Variants in CLCN4 observed in about 807,000 individuals in gnomAD.
CLCN4 encodes the protein Cl-/H+ antiporter 4.
CLCN4 carries 1 observed loss-of-function variant against 41.7 expected under a neutral mutation model. That is an observed-to-expected ratio of 0.02 (90% CI 0.01 to 0.11). The LOEUF (loss-of-function observed/expected upper bound fraction) is 0.11. CLCN4 is among the 10% of genes least tolerant of loss of function. The probability of loss-of-function intolerance (pLI) is 1.00; values close to 1 mark genes in which losing one functional copy is unlikely to be tolerated. For synonymous variants in CLCN4, 277 were observed against 285.8 expected, an observed-to-expected ratio of 0.97 and a Z score of 0.31; for missense variants, 287 against 661.0, an observed-to-expected ratio of 0.43 and a Z score of 6.20.
At chrX:10,197,134 A>T (rs997957584) in intron 5 of CLCN4, among the ~76,000 whole-genome samples, 1 of 112,022 alleles carries the variant, frequency 8.9e-6, no homozygotes, top group Non-Finnish European at 1.9e-5. Flanking sequence ...AGGTCTAGAG[A>T]GTGTGGTCTG....
At chrX:10,189,228 A>T (rs888756729) in intron 4 of CLCN4, among the ~76,000 whole-genome samples, 1 of 112,132 alleles carries the variant, frequency 8.9e-6, no homozygotes, top group Admixed American at 9.4e-5. Context: ...AGGGTAAATG[A>T]AGAAACTCAG....
intron 3 of CLCN4, among the ~76,000 whole-genome samples, chrX:10,186,024 G>A (rs1478527360): frequency 9.0e-6 from 1 of 111,339 alleles, no homozygotes; most frequent in South Asian, 3.8e-4. Context: ...GAGGCGCCAC[G>A]GACGGGATTC....
chrX:10,199,010 G>A (rs1242146585), intron 6 of CLCN4, among the ~76,000 whole-genome samples: 2 of 112,077 alleles, frequency 1.8e-5, no homozygotes, highest in Non-Finnish European at 3.8e-5. Context: ...AAGGGCTGAA[G>A]TCATGAAAAG....
chrX:10,230,827 G>A lies in CLCN4; in HGVS notation c.2193-2667G>A, dbSNP rs768899589. On this transcript the variant is annotated intron_variant, in intron 12 of 12. Coordinates refer to ENST00000380833, the MANE Select transcript of CLCN4 (RefSeq NM_001830.4). Reference sequence around the variant, plus strand: ...TACTGTTGTATTTGTTGTAATTGATGAACCAATATCAATACATTATTATTA... The same window carrying A: ...TACTGTTGTATTTGTTGTAATTGATAAACCAATATCAATACATTATTATTA... 1.3e-4 allele frequency among the ~76,000 whole-genome samples: 14 copies of A among 111,926 alleles called. No individual in the cohort carries two copies. In the South Asian group the frequency reaches 5.2e-3, roughly 42 times the overall value.
intron 2 of CLCN4, among the ~76,000 whole-genome samples, chrX:10,182,571 G>A (rs1923710992): frequency 1.8e-5 from 2 of 112,686 alleles, no homozygotes; most frequent in African/African-American, 6.4e-5. Flanking sequence ...GACTACAGGT[G>A]CCTGCCACCA....
At chrX:10,160,511 G>A (rs1047895866) in intron 2 of CLCN4, among the ~76,000 whole-genome samples, 3 of 111,335 alleles carry the variant, frequency 2.7e-5, no homozygotes, top group African/African-American at 9.8e-5. Context: ...CCTGGAGCAC[G>A]TCCCTGGACG....
In CLCN4 at chrX:10,184,971, T is replaced by C. The variant is rs887981025; in HGVS notation, c.-11-51T>C. 16 of 1,044,658 alleles carry C rather than the reference T, an allele frequency of 1.5e-5. No individual in the cohort carries two copies. In the African/African-American group the frequency reaches 2.6e-4, roughly 17 times the overall value. The allele number at this position is 1,044,658 out of a possible 1,213,427, so 86.1% of individuals were successfully genotyped here. On this transcript the variant is annotated intron_variant, in intron 2 of 12. Coordinates refer to ENST00000380833, the MANE Select transcript of CLCN4 (RefSeq NM_001830.4). The stretch of plus-strand genomic sequence containing the variant: ...GGGCACATGGACTATTCTTCTTGCA[T>C]GGCCATGGCATGTCCTGCTCATGTC...
intron 12 of CLCN4, among the ~76,000 whole-genome samples, chrX:10,222,716 T>TA (rs1924889761): frequency 8.9e-6 from 1 of 111,770 alleles, no homozygotes; most frequent in East Asian, 2.8e-4. Context: ...GATGTGCCTG[T>TA]ATAGCCAAAT....
intron 2 of CLCN4, among the ~76,000 whole-genome samples, chrX:10,178,192 G>A (rs1297395542): frequency 9.0e-6 from 1 of 111,242 alleles, no homozygotes; most frequent in Admixed American, 9.6e-5. Context: ...GGGTGAAAAT[G>A]TTCTGGAATT....
chrX:10,230,164 T>C (rs757875141), intron 12 of CLCN4, among the ~76,000 whole-genome samples: 1 of 112,186 alleles, frequency 8.9e-6, no homozygotes, highest in Admixed American at 9.4e-5. Context: ...ATTAATCCCT[T>C]GTCAGATGGG....
intron 5 of CLCN4, among the ~76,000 whole-genome samples, 159 bp from the exon 6 acceptor site, chrX:10,197,780 A>T (rs1184386409): frequency 1.8e-5 from 2 of 111,805 alleles, no homozygotes; most frequent in African/African-American, 6.5e-5. Flanking sequence ...GCAACAGCTG[A>T]TAAACCTACG....
intron 6 of CLCN4, among the ~76,000 whole-genome samples, chrX:10,203,604 T>C (rs749687811): frequency 1.8e-5 from 2 of 111,654 alleles, no homozygotes; most frequent in Admixed American, 1.9e-4. Context: ...TTAAATACTG[T>C]ATTGAGAAAT....
chrX:10,172,240 C>T (rs1923401294), intron 2 of CLCN4, among the ~76,000 whole-genome samples: 1 of 112,059 alleles, frequency 8.9e-6, no homozygotes, highest in Admixed American at 9.4e-5. Context: ...GACTTTGCCC[C>T]GCAAGCCTTT....
chrX:10,216,918 T>TATATATATATATATATATACACACACAC (rs773265490), intron 11 of CLCN4, among the ~76,000 whole-genome samples: 9 of 38,917 alleles, frequency 2.3e-4, no homozygotes, highest in Non-Finnish European at 2.5e-4. Context: ...TATATATATA[T>TATATATATATATATATATACACACACAC]ACACACACAC....
chrX:10,193,670 C>T (rs924030689), intron 4 of CLCN4, among the ~76,000 whole-genome samples: 4 of 111,965 alleles, frequency 3.6e-5, no homozygotes, highest in African/African-American at 1.3e-4. Context: ...GGTTTGTGGC[C>T]CATGTGGTTT....
intron 12 of CLCN4, among the ~76,000 whole-genome samples, chrX:10,224,293 CGTGTGTGTGTGTGTGTGT>C (rs772983564): frequency 2.2e-4 from 19 of 87,902 alleles, no homozygotes; most frequent in African/African-American, 7.7e-4. Flanking sequence ...GGGAGGGTTC[CGTGTGTGTGTGTGTGTGT>C]GTGTGTGTGT....
At position 10,158,507 on chromosome X, in the gene CLCN4, G is replaced by T. The variant is rs1462142315; in HGVS notation, c.-56G>T. On this transcript the variant is annotated 5_prime_UTR_variant, in exon 2 of 13. Transcript: ENST00000380833. ...TCGCGCTGAAGAAAGGATGCTCGAG[G>T]ATGCTGTCCAGGTGGGCGGCCGCGG... is the stretch of plus-strand genomic sequence containing the variant. 3.4e-6 allele frequency: 1 copy of T among 297,751 alleles called. No individual in the cohort carries two copies. The highest frequency in any genetic ancestry group is 5.9e-6 in the Non-Finnish European group (1 of 170,004). 24.5% of individuals were successfully genotyped at this position (297,751 alleles called of 1,213,427 possible).
chrX:10,198,107 A>G, intron 6 of CLCN4, 46 bp downstream of exon 6: 1 of 1,165,628 alleles, frequency 8.6e-7, no homozygotes, highest in Non-Finnish European at 1.2e-6. Context: ...AGAATAGCAA[A>G]TTCTTCTGTA....
intron 2 of CLCN4, among the ~76,000 whole-genome samples, chrX:10,165,680 G>A (rs964668678): frequency 3.6e-5 from 4 of 112,141 alleles, no homozygotes; most frequent in African/African-American, 6.5e-5. Flanking sequence ...TCCCTTCTGG[G>A]TTGATTTGGC....
Sources: gnomAD v4.1 joint callset for allele counts (sites outside exome capture counted in the v4.1 genomes callset) on GRCh38, gnomAD v4.1.1 for gene constraint, MANE v1.5 for transcripts, NCBI Gene and HGNC (gene_info 2026-07-23, HGNC 2026-07-21) for gene names.